CCDC14: variants seen among roughly 807,000 people sequenced by gnomAD.
CCDC14 encodes coiled-coil domain containing 14.
In CCDC14, 71 loss-of-function variants were observed where a neutral mutation model predicts 81.4. The observed-to-expected ratio is 0.87, with a 90% CI of 0.72 to 1.06. The LOEUF is 1.06. Among genes scored for constraint, CCDC14 ranks in the 50% least tolerant of loss-of-function variants. The pLI, the probability that CCDC14 is intolerant of heterozygous loss-of-function variation, is 0.00. For synonymous variants in CCDC14, 332 were observed against 364.8 expected (o/e 0.91, Z 1.03); for missense variants, 1,046 against 1,047.3 (o/e 1.00, Z 0.02).
intron 10 of CCDC14, among the ~76,000 whole-genome samples, chr3:123,932,623 C>T (rs1374416820): frequency 6.6e-6 from 1 of 151,996 alleles, no homozygotes; most frequent in African/African-American, 2.4e-5. Flanking sequence ...GAGTCTTTGT[C>T]AGGCTTAGGA....
At position 123,956,049 on chromosome 3, in the gene CCDC14, A is replaced by T; in HGVS notation, c.226T>A (p.Ser76Thr). Residue 76 changes from serine (S) to threonine (T), a missense_variant, in exon 4 of 13, where the codon TCA becomes ACA. Coordinates refer to ENST00000409697, the MANE Select transcript of CCDC14 (RefSeq NM_001366335.1). ...LLRDILRNED[S>T]GSETAYLENR... ...CAAAGAATTAAAAAAAAAAAACCTG[A>T]ATCTTCATTTCTCAAAATGTCCCTC... The T allele has an allele frequency of 6.5e-7, 1 of 1,542,840 alleles. No individual in the cohort carries two copies. The highest frequency in any genetic ancestry group is 8.7e-7 in the Non-Finnish European group (1 of 1,144,132).
chr3:123,930,301 C>T (rs1008084290), intron 12 of CCDC14, among the ~76,000 whole-genome samples: 3 of 152,054 alleles, frequency 2.0e-5, no homozygotes, highest in Admixed American at 1.3e-4. Context: ...AATTCAAAAT[C>T]GATCTGTTCA....
chr3:123,947,397 T>C, intron 7 of CCDC14, 78 bp from the exon 8 acceptor site: 2 of 928,558 alleles, frequency 2.2e-6, no homozygotes, highest in African/African-American at 1.6e-5. Context: ...CTCAAATATA[T>C]GAAATATATT....
At chr3:123,946,725 A>T (rs932167482) in intron 8 of CCDC14, 78 bp downstream of exon 8, 72 of 1,352,866 alleles carry the variant, frequency 5.3e-5, no homozygotes, top group Non-Finnish European at 7.1e-5. Context: ...CACAAACTCC[A>T]TTTAAATGAT....
intron 12 of CCDC14, 77 bp from the exon 13 acceptor site, chr3:123,915,795 T>TA: frequency 1.8e-6 from 2 of 1,114,008 alleles, no homozygotes; most frequent in Non-Finnish European, 2.5e-6. Context: ...CCTCCATCTT[T>TA]AAAAAAAGGA....
intron 9 of CCDC14, among the ~76,000 whole-genome samples, chr3:123,937,693 T>C (rs1288300448): frequency 6.6e-6 from 1 of 151,876 alleles, no homozygotes; most frequent in East Asian, 1.9e-4. Context: ...CTCATTTTTT[T>C]CTAGTTTATA....
Position 123,947,154 on chromosome 3 carries a change from C to G in CCDC14, c.850G>C (p.Val284Leu). The G allele has an allele frequency of 6.2e-7, 1 of 1,613,906 alleles. No individual in the cohort carries two copies. The highest frequency in any genetic ancestry group is 1.1e-5 in the South Asian group (1 of 91,058). The change falls in exon 8 of 13, where the codon GTT (valine) becomes CTT (leucine). Residue 284 changes from valine (V) to leucine (L), a missense_variant. Val to Leu is a conservative substitution (Grantham distance 32). Transcript: ENST00000409697. ...CCTTGTTGTGGCAGAATTCCATTAA[C>G]AAGGCCCAGTTGCTGCAATGTTGGA... is the stretch of plus-strand genomic sequence containing the variant. ...AIPTLQQLGL[V>L]NGILPQQGIH...
At chr3:123,893,279 G>A (rs753331284), downstream of CCDC14, among the ~76,000 whole-genome samples, 1 of 151,812 alleles carries the variant, frequency 6.6e-6, no homozygotes. Flanking sequence ...TCTACTTTCT[G>A]TCTCTATCAT....
intron 5 of CCDC14, among the ~76,000 whole-genome samples, chr3:123,904,633 A>AAC (rs1250840222): frequency 2.0e-5 from 3 of 151,690 alleles, no homozygotes; most frequent in Non-Finnish European, 4.4e-5. Flanking sequence ...AAAAAAAAAA[A>AAC]AACCCTGGGA....
downstream of CCDC14, among the ~76,000 whole-genome samples, chr3:123,910,781 A>G (rs112569181): frequency 5.9e-5 from 9 of 152,298 alleles, no homozygotes; most frequent in South Asian, 4.1e-4. Context: ...TAACACCAAC[A>G]GAAAATCAAG....
Position 123,921,729 on chromosome 3 carries a change from C to T in CCDC14, c.1779-6011G>A, listed in dbSNP as rs148802361. Among the ~76,000 whole-genome samples the T allele has an allele frequency of 1.4e-4, 21 of 152,222 alleles. No homozygotes were observed. In the East Asian group the frequency reaches 2.3e-3, roughly 17 times the overall value. Reference sequence around the variant, plus strand: ...CACACATAAAATACATTAACACTAACGACAGCTGATGAGCTTAAAAATTTG... The same window carrying T: ...CACACATAAAATACATTAACACTAATGACAGCTGATGAGCTTAAAAATTTG... On this transcript the variant is annotated intron_variant, in intron 12 of 12. Transcript: ENST00000409697.
In CCDC14 at chr3:123,913,692, C is replaced by CA. The variant is rs948882111; in HGVS notation, c.*1086dup. On this transcript the variant is annotated 3_prime_UTR_variant, in exon 13 of 13. Coordinates refer to ENST00000409697, the MANE Select transcript of CCDC14 (RefSeq NM_001366335.1). ...CACCTAAAAAAAAAAAAAAAACCACCAAAAAAACAAAAAACACGAGGAGGT... is the reference window on the plus strand; with the variant it reads ...CACCTAAAAAAAAAAAAAAAACCACCAAAAAAAACAAAAAACACGAGGAGGT... 3.1e-6 allele frequency: 3 copies of CA among 978,528 alleles called. No homozygotes were observed. The highest frequency in any genetic ancestry group is 1.8e-5 in the African/African-American group (1 of 56,126). 60.6% of individuals were successfully genotyped at this position (978,528 alleles called of 1,614,324 possible).
At chr3:123,956,153 T>C in intron 3 of CCDC14, 38 bp from the exon 4 acceptor site, 1 of 1,467,082 alleles carries the variant, frequency 6.8e-7, no homozygotes, top group Non-Finnish European at 9.2e-7. Context: ...CATTTGTATA[T>C]GACTGTTAGT....
the CCDC14 span, among the ~76,000 whole-genome samples, chr3:123,888,666 C>T: frequency 2.3e-4 from 35 of 152,286 alleles, no homozygotes; most frequent in Non-Finnish European, 4.0e-4. Flanking sequence ...GAACCAAGTG[C>T]TTTCTTCATA....
At chr3:123,923,345 G>GA in intron 12 of CCDC14, among the ~76,000 whole-genome samples, 1 of 152,074 alleles carries the variant, frequency 6.6e-6, no homozygotes, top group East Asian at 1.9e-4. Flanking sequence ...ATGAAAAGTT[G>GA]AAAGTTTTTC....
At chr3:123,956,657 C>G (rs1269824135) in intron 2 of CCDC14, 83 bp downstream of exon 2, 3 of 1,108,950 alleles carry the variant, frequency 2.7e-6, no homozygotes, top group Non-Finnish European at 3.9e-6. Flanking sequence ...ACCTAATTTT[C>G]TGGGGTAGAC....
At chr3:123,945,290 C>T (rs1383789508) in intron 8 of CCDC14, among the ~76,000 whole-genome samples, 2 of 151,566 alleles carry the variant, frequency 1.3e-5, no homozygotes, top group African/African-American at 4.9e-5. Context: ...ATGTGGCTTA[C>T]ACAAAACTCT....
At chr3:123,957,250 A>C (rs1485933421) in intron 1 of CCDC14, 1 of 152,184 alleles carries the variant, frequency 6.6e-6, no homozygotes, top group East Asian at 1.9e-4. Flanking sequence ...TAAAACGTCA[A>C]GCAAACTACA....
chr3:123,934,852 G>A (rs978361052), intron 9 of CCDC14, among the ~76,000 whole-genome samples: 3 of 152,084 alleles, frequency 2.0e-5, no homozygotes, highest in Non-Finnish European at 4.4e-5. Flanking sequence ...GTTGATTAAA[G>A]TGATAAAATA....
Sources: allele counts gnomAD v4.1 joint callset (sites outside exome capture counted in the v4.1 genomes callset), GRCh38; gene constraint gnomAD v4.1.1; transcripts MANE v1.5; gene names NCBI Gene and HGNC (gene_info 2026-07-23, HGNC 2026-07-21).